The following MARCHF1 variants were observed in gnomAD, a reference collection of about 807,000 sequenced individuals.
The protein encoded by MARCHF1 is E3 ubiquitin-protein ligase MARCHF1.
Under a neutral mutation model 54.2 loss-of-function variants are expected in MARCHF1, and 40 were observed. The observed-to-expected ratio is 0.74, with a 90% CI of 0.57 to 0.96. MARCHF1 has a LOEUF of 0.96. Among genes scored for constraint, MARCHF1 ranks in the 40% least tolerant of loss-of-function variants. The pLI, the probability that MARCHF1 is intolerant of heterozygous loss-of-function variation, is 0.00. For synonymous variants in MARCHF1, 236 were observed against 236.3 expected (o/e 1.00, Z 0.01); for missense variants, 586 against 656.5 (o/e 0.89, Z 1.17).
rs557527825 is a variant in MARCHF1 at position 164,139,801 on chromosome 4, T to C, written c.-322-28139A>G. ...TAAAACATGTATATTTAATGGCTAT[T>C]ATAAATGCTAAAAATAATGTTTAAT... is the stretch of plus-strand genomic sequence containing the variant. On this transcript the variant is annotated intron_variant, in intron 1 of 9. Transcript: ENST00000514618. Among the ~76,000 whole-genome samples the C allele has an allele frequency of 1.4e-4, 21 of 152,318 alleles. No individual in the cohort carries two copies. In the East Asian group the frequency reaches 1.7e-3, roughly 13 times the overall value.
At chr4:164,230,222 C>T (rs1732378860) in intron 1 of MARCHF1, among the ~76,000 whole-genome samples, 1 of 151,810 alleles carries the variant, frequency 6.6e-6, no homozygotes, top group Non-Finnish European at 1.5e-5. Context: ...ATGATGAAAC[C>T]CCATCTCTAC....
At chr4:164,266,779 A>G (rs1307601120) in intron 1 of MARCHF1, among the ~76,000 whole-genome samples, 1 of 151,964 alleles carries the variant, frequency 6.6e-6, no homozygotes, top group Non-Finnish European at 1.5e-5. Flanking sequence ...GACCTTATAC[A>G]TTTGTGCTTT....
At chr4:164,256,277 C>T (rs112180701) in intron 1 of MARCHF1, among the ~76,000 whole-genome samples, 9 of 151,196 alleles carry the variant, frequency 6.0e-5, no homozygotes, top group South Asian at 2.1e-4. Context: ...AAGAGAACTG[C>T]AAACTACTTA....
chr4:164,068,812 G>C (rs1754788725), intron 2 of MARCHF1, among the ~76,000 whole-genome samples: 1 of 152,204 alleles, frequency 6.6e-6, no homozygotes, highest in Admixed American at 6.5e-5. Flanking sequence ...AAGCCAGCTG[G>C]GCCCCTGAGT....
At chr4:163,769,286 C>T (rs755350882) in intron 4 of MARCHF1, among the ~76,000 whole-genome samples, 5 of 152,114 alleles carry the variant, frequency 3.3e-5, no homozygotes, top group African/African-American at 4.8e-5. Flanking sequence ...CAGAACACTG[C>T]TCATTCATTT....
intron 8 of MARCHF1, among the ~76,000 whole-genome samples, chr4:163,574,989 A>C (rs947603829): frequency 6.6e-6 from 1 of 151,616 alleles, no homozygotes; most frequent in South Asian, 2.1e-4. Context: ...CTTTTATTTC[A>C]TTGAGCAGTG....
chr4:163,928,154 A>AAAG (rs1264545759), intron 3 of MARCHF1, among the ~76,000 whole-genome samples: 1 of 151,940 alleles, frequency 6.6e-6, no homozygotes, highest in Non-Finnish European at 1.5e-5. Context: ...AAATGGAAAG[A>AAAG]AAGTGCCTTT....
chr4:163,962,582 G>T (rs1028721175), intron 3 of MARCHF1, among the ~76,000 whole-genome samples: 6 of 151,846 alleles, frequency 4.0e-5, no homozygotes, highest in Non-Finnish European at 8.8e-5. Context: ...AACTGTGAAG[G>T]AAATGTACAT....
At chr4:163,984,329 GT>G (rs1017806012) in intron 3 of MARCHF1, among the ~76,000 whole-genome samples, 1 of 152,150 alleles carries the variant, frequency 6.6e-6, no homozygotes, top group Non-Finnish European at 1.5e-5. Context: ...TTTGGTTTTT[GT>G]TTTCCTCCTA....
intron 3 of MARCHF1, among the ~76,000 whole-genome samples, chr4:163,944,813 G>A (rs562868167): frequency 5.3e-5 from 8 of 152,218 alleles, no homozygotes; most frequent in Non-Finnish European, 8.8e-5. Context: ...TCAGCCCCAT[G>A]TCCACAGATA....
chr4:164,219,082 G>T (rs531889731), intron 1 of MARCHF1, among the ~76,000 whole-genome samples: 1 of 152,086 alleles, frequency 6.6e-6, no homozygotes, highest in South Asian at 2.1e-4. Context: ...GCTTTGTTTT[G>T]CAAGAGTTGT....
At chr4:164,372,102 T>G (rs1168128726) in intron 1 of MARCHF1, among the ~76,000 whole-genome samples, 2 of 152,186 alleles carry the variant, frequency 1.3e-5, no homozygotes, top group Admixed American at 6.5e-5. Context: ...AAAATGAAAT[T>G]ATATTTCACT....
intron 1 of MARCHF1, among the ~76,000 whole-genome samples, chr4:164,318,348 G>A (rs538688569): frequency 6.6e-6 from 1 of 152,206 alleles, no homozygotes; most frequent in African/African-American, 2.4e-5. Flanking sequence ...AAGTAAGGGG[G>A]TTGGTTTTGT....
chr4:163,789,876 T>C (rs910394410), intron 4 of MARCHF1, among the ~76,000 whole-genome samples: 1 of 152,122 alleles, frequency 6.6e-6, no homozygotes, highest in Non-Finnish European at 1.5e-5. Flanking sequence ...CAGAATGCCA[T>C]AGTTCAATAT....
intron 1 of MARCHF1, among the ~76,000 whole-genome samples, chr4:164,133,161 C>A (rs1401745995): frequency 6.6e-6 from 1 of 152,144 alleles, no homozygotes; most frequent in Non-Finnish European, 1.5e-5. Flanking sequence ...CTCTTTAGGG[C>A]TCTGACTCCT....
rs377719420 is a variant in MARCHF1 at position 163,995,372 on chromosome 4, G to T, written c.-247-6663C>A. Among the ~76,000 whole-genome samples, 30 of 152,238 alleles carry T rather than the reference G, an allele frequency of 2.0e-4. No individual in the cohort carries two copies. The Middle Eastern group carries it at 0.01, about 52-fold the overall frequency. ...GCCATCCATAAGTTCTCTGTATCCA[G>T]TCCTTCTGGGTTTTTATGATATGAT... is the stretch of plus-strand genomic sequence containing the variant. On this transcript the variant is annotated intron_variant, in intron 2 of 9. Transcript: ENST00000514618.
intron 1 of MARCHF1, among the ~76,000 whole-genome samples, chr4:164,349,216 T>A (rs1180656479): frequency 3.3e-5 from 5 of 152,166 alleles, no homozygotes; most frequent in Admixed American, 3.3e-4. Context: ...ATGTATATCC[T>A]CTTAAAACGA....
At chr4:164,180,090 G>T (rs1283368755) in intron 1 of MARCHF1, among the ~76,000 whole-genome samples, 1 of 151,314 alleles carries the variant, frequency 6.6e-6, no homozygotes, top group South Asian at 2.1e-4. Context: ...CTTTAATAAA[G>T]GTCATATCCT....
intron 2 of MARCHF1, among the ~76,000 whole-genome samples, chr4:164,095,194 C>G (rs903099576): frequency 1.3e-5 from 2 of 152,090 alleles, no homozygotes; most frequent in African/African-American, 4.8e-5. Flanking sequence ...CCAGAACAGC[C>G]TGGATTATAC....
Sources: gnomAD v4.1 joint callset for allele counts (sites outside exome capture counted in the v4.1 genomes callset) on GRCh38, gnomAD v4.1.1 for gene constraint, MANE v1.5 for transcripts, NCBI Gene and HGNC (gene_info 2026-07-23, HGNC 2026-07-21) for gene names.